The following SYNDIG1 variants were observed in gnomAD, a reference collection of about 807,000 sequenced individuals.
SYNDIG1 encodes the protein synapse differentiation inducing 1.
A neutral mutation model predicts 19.4 loss-of-function variants in SYNDIG1; 9 were observed. The ratio of observed to expected loss-of-function variants is 0.46; its 90% CI spans 0.28 to 0.81. The LOEUF (loss-of-function observed/expected upper bound fraction) is 0.81, where lower values mean the gene tolerates loss of function less well. SYNDIG1 is among the 30% of genes least tolerant of loss of function. The probability of loss-of-function intolerance (pLI) is 0.12; values close to 1 mark genes in which losing one functional copy is unlikely to be tolerated. For missense variants in SYNDIG1, 311 were observed against 343.3 expected (o/e 0.91, Z 0.74); for synonymous variants, 141 against 145.9 (o/e 0.97, Z 0.24).
intron 1 of SYNDIG1, among the ~76,000 whole-genome samples, chr20:24,477,030 C>G (rs1374442263): frequency 2.6e-5 from 4 of 152,204 alleles, no homozygotes; most frequent in Non-Finnish European, 4.4e-5. Context: ...TATTTTAGAA[C>G]CATAGACATG....
intron 3 of SYNDIG1, among the ~76,000 whole-genome samples, chr20:24,646,334 A>C (rs1382855293): frequency 6.6e-6 from 1 of 152,112 alleles, no homozygotes; most frequent in Non-Finnish European, 1.5e-5. Context: ...TCCAAACCTC[A>C]TGTTAAAATT....
At chr20:24,481,061 A>G (rs570651956) in intron 1 of SYNDIG1, among the ~76,000 whole-genome samples, 27 of 152,308 alleles carry the variant, frequency 1.8e-4, no homozygotes, top group Admixed American at 8.5e-4. Flanking sequence ...AGCAATGTCA[A>G]TATACTTAGC....
chr20:24,522,350 C>T (rs941035001), intron 1 of SYNDIG1, among the ~76,000 whole-genome samples: 6 of 152,186 alleles, frequency 3.9e-5, no homozygotes, highest in Non-Finnish European at 8.8e-5. Flanking sequence ...CTTTGCCTCC[C>T]AGTGTGCTGG....
chr20:24,482,106 C>T (rs889302669), intron 1 of SYNDIG1, among the ~76,000 whole-genome samples: 4 of 152,148 alleles, frequency 2.6e-5, no homozygotes, highest in African/African-American at 9.7e-5. Context: ...AAACTGAGCT[C>T]ATGCCATGGA....
chr20:24,531,690 A>G (rs2057263710), intron 1 of SYNDIG1, among the ~76,000 whole-genome samples: 2 of 152,132 alleles, frequency 1.3e-5, no homozygotes, highest in African/African-American at 4.8e-5. Context: ...AGGACCATGT[A>G]TAACTCTGTC....
intron 3 of SYNDIG1, among the ~76,000 whole-genome samples, chr20:24,601,937 A>G (rs1268946244): frequency 6.6e-6 from 1 of 151,330 alleles, no homozygotes; most frequent in Non-Finnish European, 1.5e-5. Flanking sequence ...TCTGGTCCAC[A>G]GTTTCCTCTG....
intron 1 of SYNDIG1, among the ~76,000 whole-genome samples, chr20:24,493,004 G>T (rs940408709): frequency 2.0e-5 from 3 of 152,214 alleles, no homozygotes; most frequent in Non-Finnish European, 4.4e-5. Flanking sequence ...AATCTACAAG[G>T]CTTCAGGCAG....
chr20:24,514,721 C>T (rs138854874), intron 1 of SYNDIG1, among the ~76,000 whole-genome samples: 2,550 of 152,260 alleles, frequency 0.017, 69 homozygotes, highest in African/African-American at 0.058. Context: ...ATCAGTGAGA[C>T]AGAAAGTTAA....
At chr20:24,621,483 T>C (rs149611683) in intron 3 of SYNDIG1, among the ~76,000 whole-genome samples, 2 of 152,380 alleles carry the variant, frequency 1.3e-5, no homozygotes, top group African/African-American at 4.8e-5. Context: ...CTTATTCATA[T>C]TTTTAAATAA....
At chr20:24,654,654 A>AAGGAGAGAGGGAGGGAGGG (rs1568718605) in intron 3 of SYNDIG1, among the ~76,000 whole-genome samples, 17 of 76,184 alleles carry the variant, frequency 2.2e-4, no homozygotes, top group African/African-American at 8.0e-4. Context: ...GGGAGGGAGG[A>AAGGAGAGAGGGAGGGAGGG]AGGAAGGAAG....
At chr20:24,641,780 C>T (rs1228536715) in intron 3 of SYNDIG1, among the ~76,000 whole-genome samples, 1 of 152,210 alleles carries the variant, frequency 6.6e-6, no homozygotes, top group Non-Finnish European at 1.5e-5. Flanking sequence ...ACTCACAGCT[C>T]CTGGTCTCTC....
chr20:24,519,839 GCACACA>G (rs148158255), intron 1 of SYNDIG1, among the ~76,000 whole-genome samples: 1 of 148,122 alleles, frequency 6.8e-6, no homozygotes, highest in South Asian at 2.1e-4. Context: ...ACGCGCACAT[GCACACA>G]CACACACACA....
At chr20:24,534,536 C>T (rs749924728) in intron 1 of SYNDIG1, among the ~76,000 whole-genome samples, 4 of 152,368 alleles carry the variant, frequency 2.6e-5, no homozygotes, top group Non-Finnish European at 5.9e-5. Flanking sequence ...TCGGTCTGGC[C>T]CTGGCTAACT....
At chr20:24,488,887 G>T (rs1341353194) in intron 1 of SYNDIG1, among the ~76,000 whole-genome samples, 1 of 152,164 alleles carries the variant, frequency 6.6e-6, no homozygotes, top group Non-Finnish European at 1.5e-5. Flanking sequence ...AAAGGGACAC[G>T]CCTCGCTCCA....
In SYNDIG1 at chr20:24,606,869, G is replaced by A. The variant is rs571183576; in HGVS notation, c.618+21876G>A. 6.6e-5 allele frequency among the ~76,000 whole-genome samples: 10 copies of A among 152,206 alleles called. 1 individual carries two copies. The highest frequency in any genetic ancestry group is 1.2e-4 in the Non-Finnish European group (8 of 68,044). Reference sequence around the variant, plus strand: ...GCTGACTTGGAAAGTGGATGCTGACGAGCAGAAGAAGCAGTGTTTGGAGGA... The same window carrying A: ...GCTGACTTGGAAAGTGGATGCTGACAAGCAGAAGAAGCAGTGTTTGGAGGA... On this transcript the variant is annotated intron_variant, in intron 3 of 3. Transcript: ENST00000376862.
intron 1 of SYNDIG1, among the ~76,000 whole-genome samples, chr20:24,484,160 C>A (rs2055888888): frequency 1.3e-5 from 2 of 151,870 alleles, no homozygotes; most frequent in Admixed American, 1.3e-4. Context: ...CCCAGATTGC[C>A]CCAAAATGTA....
intron 1 of SYNDIG1, among the ~76,000 whole-genome samples, chr20:24,488,545 AG>A (rs1405457416): frequency 6.6e-6 from 1 of 152,254 alleles, no homozygotes; most frequent in Non-Finnish European, 1.5e-5. Flanking sequence ...TGCAGGCTCC[AG>A]GCACAAACTG....
At chr20:24,537,343 C>A (rs1046042052) in intron 1 of SYNDIG1, among the ~76,000 whole-genome samples, 1 of 151,870 alleles carries the variant, frequency 6.6e-6, no homozygotes, top group African/African-American at 2.4e-5. Flanking sequence ...CACAGCCAGT[C>A]TTCTTTTCTC....
intron 2 of SYNDIG1, among the ~76,000 whole-genome samples, chr20:24,580,186 C>A (rs574837811): frequency 6.6e-6 from 1 of 152,252 alleles, no homozygotes; most frequent in South Asian, 2.1e-4. Flanking sequence ...AGCTGCAGTG[C>A]GTGATGAGTC....
Sources: allele counts gnomAD v4.1 joint callset (sites outside exome capture counted in the v4.1 genomes callset), GRCh38; gene constraint gnomAD v4.1.1; transcripts MANE v1.5; gene names NCBI Gene and HGNC (gene_info 2026-07-23, HGNC 2026-07-21).